The following KRT222 variants were observed in gnomAD, a reference collection of about 807,000 sequenced individuals.
KRT222 encodes keratin-like protein KRT222.
In KRT222, 23 loss-of-function variants were observed where a neutral mutation model predicts 35.0. The ratio of observed to expected loss-of-function variants is 0.66; its 90% confidence interval spans 0.47 to 0.93. KRT222 has a LOEUF of 0.93. KRT222 is among the 40% of genes least tolerant of loss of function. The pLI, the probability that KRT222 is intolerant of heterozygous loss-of-function variation, is 0.00. For synonymous variants in KRT222, 108 were observed against 118.8 expected (o/e 0.91, Z 0.59); for missense variants, 339 against 346.3 (o/e 0.98, Z 0.17).
chr17:40,657,576 G>GTT (rs11412331), intron 4 of KRT222, 89 bp from the exon 5 acceptor site: 1,814 of 1,408,554 alleles, frequency 1.3e-3, no homozygotes, highest in Non-Finnish European at 1.5e-3. Flanking sequence ...AATATTGCTT[G>GTT]TTTTTTTTCG....
chr17:40,659,455 G>A (rs1249271753), intron 3 of KRT222, among the ~76,000 whole-genome samples: 2 of 152,162 alleles, frequency 1.3e-5, no homozygotes, highest in African/African-American at 4.8e-5. Flanking sequence ...GATTACAGGC[G>A]TGAGCCGCTG....
Position 40,662,125 on chromosome 17 carries a change from AG to A in KRT222, c.97-82del. ...AAATGAGATGTGTAAAAGCAATTAT[AG>A]AAAAATTGTATAGGAATCAAAGCAT... On this transcript the variant is annotated intron_variant, in intron 1 of 5. Coordinates refer to ENST00000394052, the MANE Select transcript of KRT222 (RefSeq NM_152349.3). The A allele has an allele frequency of 1.9e-6, 3 of 1,544,764 alleles. No individual in the cohort carries two copies. The South Asian group carries it at 3.7e-5, about 19-fold the overall frequency.
Position 40,659,900 on chromosome 17 carries a change from G to T in KRT222, c.446+87C>A. On this transcript the variant is annotated intron_variant, in intron 3 of 5. Transcript: ENST00000394052. ...ACACCATGATGATGATGGGGTTTTTGGATTTAATTTCTCTGACTACATCAA... is the reference window on the plus strand; with the variant it reads ...ACACCATGATGATGATGGGGTTTTTTGATTTAATTTCTCTGACTACATCAA... The T allele has an allele frequency of 3.6e-6, 4 of 1,117,672 alleles. No homozygotes were observed. In the South Asian group the frequency reaches 4.0e-5, roughly 11 times the overall value. 69.2% of individuals were successfully genotyped at this position (1,117,672 alleles called of 1,614,324 possible). A position where few individuals can be genotyped will look rare whatever the true frequency, so the allele number is the denominator to read the frequency against.
At chr17:40,660,281 CATCTTT>C in intron 2 of KRT222, 74 bp from the exon 3 acceptor site, 1 of 1,178,270 alleles carries the variant, frequency 8.5e-7, no homozygotes, top group Non-Finnish European at 1.2e-6. Flanking sequence ...GCAATATCTT[CATCTTT>C]TTTTTTTTTT....
chr17:40,657,226 A>T, intron 5 of KRT222, 126 bp downstream of exon 5: 1 of 753,728 alleles, frequency 1.3e-6, no homozygotes, highest in South Asian at 3.7e-5. Flanking sequence ...AAAAAAAAAA[A>T]ATCACAGTAT....
At chr17:40,658,093 GC>G (rs1358827365) in intron 3 of KRT222, among the ~76,000 whole-genome samples, 2 of 151,586 alleles carry the variant, frequency 1.3e-5, no homozygotes, top group African/African-American at 4.8e-5. Context: ...AGGGTATGTG[GC>G]TTAGGTGTCC....
Position 40,657,137 on chromosome 17 carries a change from G to A in KRT222, c.659+215C>T, listed in dbSNP as rs141177105. 1,035 of 274,862 alleles carry A rather than the reference G, an allele frequency of 3.8e-3. 6 individuals are homozygous for A. The highest frequency in any genetic ancestry group is 0.021 in the African/African-American group (914 of 44,260). 17.0% of individuals were successfully genotyped at this position (274,862 alleles called of 1,614,324 possible). ...TGAGGCAGAAGAATTGCTTGAACCCGGGAGGTGGAGGTTGCAGTGAGCCAA... is the reference window on the plus strand; with the variant it reads ...TGAGGCAGAAGAATTGCTTGAACCCAGGAGGTGGAGGTTGCAGTGAGCCAA... On this transcript the variant is annotated intron_variant, in intron 5 of 5. Coordinates refer to ENST00000394052, the MANE Select transcript of KRT222 (RefSeq NM_152349.3).
chr17:40,657,730 C>T lies in KRT222; in HGVS notation c.467G>A (p.Gly156Asp), dbSNP rs374520654. ...EEIRYYGCIQ[G>D]GKKDKKPTTS... ...GGTAGGCTTTTTGTCTTTTTTCCCA[C>T]CTTGGATACAACCATAATATCTGAA... The change falls in exon 4 of 6, where the codon GGT (glycine) becomes GAT (aspartate). Residue 156 changes from glycine to aspartate, a missense_variant. Coordinates refer to ENST00000394052, the MANE Select transcript of KRT222 (RefSeq NM_152349.3). The T allele has an allele frequency of 6.2e-7, 1 of 1,611,920 alleles. No homozygotes were observed. The highest frequency in any genetic ancestry group is 1.3e-5 in the African/African-American group (1 of 74,890).
chr17:40,660,070 C>G lies in KRT222; in HGVS notation c.363G>C (p.Glu121Asp), dbSNP rs748954948. Residue 121 changes from glutamate to aspartate, a missense_variant, in exon 3 of 6, where the codon GAG becomes GAC. Physicochemically the swap from Glu to Asp is conservative, Grantham distance 45. Coordinates refer to ENST00000394052, the MANE Select transcript of KRT222 (RefSeq NM_152349.3). ...VRRGIEKQLQ[E>D]HEMLLNTKMR... ...TCTTCGTGTTGAGAAGCATCTCGTG[C>G]TCTTGAAGCTGCTTTTCGATGCCGC... is the stretch of plus-strand genomic sequence containing the variant. 1 of 1,614,162 alleles carries G rather than the reference C, an allele frequency of 6.2e-7. No individual in the cohort carries two copies. Among genetic ancestry groups the G allele is most frequent in the South Asian group, 1.1e-5 (1 of 91,078 alleles).
chr17:40,664,459 AAT>A (rs2037407444), intron 1 of KRT222, among the ~76,000 whole-genome samples: 1 of 152,182 alleles, frequency 6.6e-6, no homozygotes, highest in African/African-American at 2.4e-5. Flanking sequence ...CAATGGTCAT[AAT>A]TTATATCATT....
chr17:40,656,417 T>A lies in KRT222; in HGVS notation c.873A>T (p.Pro291=), dbSNP rs922329189. ...RSCSIPSIKP[P]STAN ...TATCTTTGGATTAATTAGCTGTTGA[T>A]GGAGGTTTGATAGAGGGAATACTGC... Residue 291 remains proline (P), a synonymous_variant, in exon 6 of 6, where the codon CCA becomes CCT. Coordinates refer to ENST00000394052, the MANE Select transcript of KRT222 (RefSeq NM_152349.3). 6.2e-7 allele frequency: 1 copy of A among 1,612,914 alleles called. No homozygotes were observed. The highest frequency in any genetic ancestry group is 8.5e-7 in the Non-Finnish European group (1 of 1,179,056).
At position 40,661,917 on chromosome 17, in the gene KRT222, A is replaced by G. The variant is rs2144034269; in HGVS notation, c.224T>C (p.Val75Ala). Residue 75 changes from valine to alanine, a missense_variant and splice_region_variant, in exon 2 of 6, where the codon GTG becomes GCG. Transcript: ENST00000394052. Reference sequence around the variant, plus strand: ...GGTTACTTTTGGGATCATTCTCACCACAGCATGGAGAGATTCAATTTCCAC... The same window carrying G: ...GGTTACTTTTGGGATCATTCTCACCGCAGCATGGAGAGATTCAATTTCCAC... ...LQVEIESLHAVERGLENSLHA... is the reference protein window; with the variant it reads ...LQVEIESLHAAERGLENSLHA... The G allele has an allele frequency of 1.9e-6, 3 of 1,613,696 alleles. No homozygotes were observed. Among genetic ancestry groups the G allele is most frequent in the Non-Finnish European group, 2.5e-6 (3 of 1,179,868 alleles).
In KRT222 at chr17:40,660,179, G is replaced by A. The variant is rs779535530; in HGVS notation, c.254C>T (p.Ala85Val). 37 of 1,613,984 alleles carry A rather than the reference G, an allele frequency of 2.3e-5. No homozygotes were observed. Among genetic ancestry groups the A allele is most frequent in the Non-Finnish European group, 3.1e-5 (36 of 1,179,976 alleles). Reference sequence around the variant, plus strand: ...CTGCATCTGGTAATGCTGCTCGCTGGCATGTAGGGAGTTTTCAAGGCCCCT... The same window carrying A: ...CTGCATCTGGTAATGCTGCTCGCTGACATGTAGGGAGTTTTCAAGGCCCCT... ...VERGLENSLHASEQHYQMQLQ... is the reference protein window; with the variant it reads ...VERGLENSLHVSEQHYQMQLQ... The change falls in exon 3 of 6, where the codon GCC (alanine) becomes GTC (valine). Residue 85 changes from alanine to valine, a missense_variant. Ala to Val is a moderately conservative substitution (Grantham distance 64, BLOSUM62 0). Coordinates refer to ENST00000394052, the MANE Select transcript of KRT222 (RefSeq NM_152349.3).
Position 40,660,002 on chromosome 17 carries a change from T to C in KRT222, c.431A>G (p.Glu144Gly), listed in dbSNP as rs775076611. 1 of 1,614,090 alleles carries C rather than the reference T, an allele frequency of 6.2e-7. No individual in the cohort carries two copies. The highest frequency in any genetic ancestry group is 8.5e-7 in the Non-Finnish European group (1 of 1,179,948). ...ATTTAGGTACCTGATTTCTTCTTTT[T>C]CTAGGAGGTGGCGATAAGTTGCTAT... The part of the protein sequence containing the change: ...QEIATYRHLL[E>G]KEEIRYYGCI... The change falls in exon 3 of 6, where the codon GAA (glutamate) becomes GGA (glycine). Residue 144 changes from glutamate (E) to glycine (G), a missense_variant. Glu to Gly is a moderately conservative substitution (Grantham distance 98). Coordinates refer to ENST00000394052, the MANE Select transcript of KRT222 (RefSeq NM_152349.3).
At chr17:40,659,024 C>G (rs1278213017) in intron 3 of KRT222, among the ~76,000 whole-genome samples, 1 of 152,096 alleles carries the variant, frequency 6.6e-6, no homozygotes, top group African/African-American at 2.4e-5. Flanking sequence ...AGCCCTTGAT[C>G]AGGGGGATTG....
chr17:40,657,490 G>C lies in KRT222; in HGVS notation c.524-3C>G, dbSNP rs772769622. 1 of 1,579,818 alleles carries C rather than the reference G, an allele frequency of 6.3e-7. No homozygotes were observed. Among genetic ancestry groups the C allele is most frequent in the Admixed American group, 1.7e-5 (1 of 58,102 alleles). Reference sequence around the variant, plus strand: ...AAAAGATATTTCATTTATAATGGCTGTGAAAATATCATTTATGATATATTA... The same window carrying C: ...AAAAGATATTTCATTTATAATGGCTCTGAAAATATCATTTATGATATATTA... On this transcript the variant is annotated splice_polypyrimidine_tract_variant and splice_region_variant and intron_variant, in intron 4 of 5. Coordinates refer to ENST00000394052, the MANE Select transcript of KRT222 (RefSeq NM_152349.3).
intron 4 of KRT222, 67 bp downstream of exon 4, chr17:40,657,607 C>G (rs551074192): frequency 1.1e-5 from 16 of 1,501,168 alleles, no homozygotes; most frequent in Non-Finnish European, 1.5e-5. Context: ...ATTTAATTTC[C>G]TTATAAAGTA....
chr17:40,660,910 C>A (rs1567853565), intron 2 of KRT222, among the ~76,000 whole-genome samples: 1 of 151,796 alleles, frequency 6.6e-6, no homozygotes, highest in Non-Finnish European at 1.5e-5. Flanking sequence ...GAGCAGACTG[C>A]TCATAAAAGG....
chr17:40,657,056 G>C (rs2037349840), intron 5 of KRT222, among the ~76,000 whole-genome samples: 1 of 151,610 alleles, frequency 6.6e-6, no homozygotes, highest in Non-Finnish European at 1.5e-5. Flanking sequence ...AAAATACAAA[G>C]AAAAACCCAG....
Sources: allele counts gnomAD v4.1 joint callset (sites outside exome capture counted in the v4.1 genomes callset), GRCh38; gene constraint gnomAD v4.1.1; transcripts MANE v1.5; gene names NCBI Gene and HGNC (gene_info 2026-07-23, HGNC 2026-07-21).